The following DOCK10 variants were observed in gnomAD, a reference collection of about 807,000 sequenced individuals.
The protein encoded by DOCK10 is dedicator of cytokinesis 10, also known as dedicator of cytokinesis protein 10.
DOCK10 carries 145 observed loss-of-function variants against 280.1 expected under a neutral mutation model. The observed-to-expected ratio is 0.52, with a 90% confidence interval of 0.45 to 0.59. DOCK10 has a LOEUF of 0.59. DOCK10 is among the 20% of genes least tolerant of loss of function. The pLI is 0.00. For missense variants in DOCK10, 2,368 were observed against 2,651.7 expected (o/e 0.89, Z 2.35); for synonymous variants, 915 against 942.2 (o/e 0.97, Z 0.53).
At chr2:224,836,601 A>T (rs999785923) in intron 25 of DOCK10, among the ~76,000 whole-genome samples, 5 of 143,182 alleles carry the variant, frequency 3.5e-5, no homozygotes, top group African/African-American at 1.3e-4. Context: ...GGAGTGTGGA[A>T]TTTTTTTTTT....
intron 33 of DOCK10, 87 bp from the exon 34 acceptor site, chr2:224,806,324 A>G: frequency 4.8e-6 from 3 of 631,332 alleles, no homozygotes; most frequent in Non-Finnish European, 5.2e-6. Flanking sequence ...TACACTTCCA[A>G]TTAAGTGATA....
In DOCK10 at chr2:224,816,767, A is replaced by AAAAC. The variant is rs1202794935; in HGVS notation, c.3268-58_3268-55dup. ...GACTTACAGACCAAGAAACTGAATA[A>AAAAC]AAACAAACAAACAAAATCTGCACTT... On this transcript the variant is annotated intron_variant, in intron 29 of 55. Coordinates refer to ENST00000258390, the MANE Select transcript of DOCK10 (RefSeq NM_014689.3). The AAAAC allele has an allele frequency of 5.0e-6, 5 of 994,520 alleles. No homozygotes were observed. In the African/African-American group the frequency reaches 6.5e-5, roughly 13 times the overall value. The allele number at this position is 994,520 out of a possible 1,614,324, so 61.6% of individuals were successfully genotyped here. A position where few individuals can be genotyped will look rare whatever the true frequency, so the allele number is the denominator to read the frequency against.
intron 19 of DOCK10, among the ~76,000 whole-genome samples, chr2:224,848,246 T>G (rs1161096918): frequency 3.3e-5 from 5 of 152,184 alleles, no homozygotes; most frequent in Non-Finnish European, 5.9e-5. Context: ...TGTTTTAAGC[T>G]GCTAAATGGT....
At position 224,977,749 on chromosome 2, in the gene DOCK10, T is replaced by G. The variant is rs747477072; in HGVS notation, c.124-46081A>C. Reference sequence around the variant, plus strand: ...TCAGGATTCATGTGTTTCTTTTAAATAAGAATCTACATTAGTTAATTTTGA... The same window carrying G: ...TCAGGATTCATGTGTTTCTTTTAAAGAAGAATCTACATTAGTTAATTTTGA... On this transcript the variant is annotated intron_variant, in intron 1 of 55. Transcript: ENST00000258390. 4.6e-5 allele frequency among the ~76,000 whole-genome samples: 7 copies of G among 152,230 alleles called. No homozygotes were observed. The South Asian group carries it at 1.4e-3, about 31-fold the overall frequency.
intron 3 of DOCK10, among the ~76,000 whole-genome samples, chr2:224,898,252 G>A (rs1700097329): frequency 6.6e-6 from 1 of 152,142 alleles, no homozygotes; most frequent in Non-Finnish European, 1.5e-5. Context: ...GATTTTTCTG[G>A]CCTGGAGTTC....
intron 14 of DOCK10, among the ~76,000 whole-genome samples, chr2:224,858,984 G>A (rs931100189): frequency 1.3e-5 from 2 of 152,174 alleles, no homozygotes; most frequent in Non-Finnish European, 2.9e-5. Flanking sequence ...TTGTGTGTGT[G>A]TGGCTATGGA....
Position 224,786,491 on chromosome 2 carries a change from CTT to C in DOCK10, c.5655+529_5655+530del, listed in dbSNP as rs1015674311. On this transcript the variant is annotated intron_variant, in intron 50 of 55. Coordinates refer to ENST00000258390, the MANE Select transcript of DOCK10 (RefSeq NM_014689.3). The surrounding 1 kb of genome is among the most constrained non-coding windows in gnomAD (Gnocchi z 4.7). Reference sequence around the variant, plus strand: ...TTATGCAGCAAACTGGGAAAAACAACTTTGAAATTACATTGACTTGCAATATA... The same window carrying C: ...TTATGCAGCAAACTGGGAAAAACAACTGAAATTACATTGACTTGCAATATA... 5.3e-5 allele frequency among the ~76,000 whole-genome samples: 8 copies of C among 152,122 alleles called. No homozygotes were observed. The highest frequency in any genetic ancestry group is 1.0e-4 in the Non-Finnish European group (7 of 68,028).
chr2:225,041,602 T>G (rs961840434), intron 1 of DOCK10, among the ~76,000 whole-genome samples: 1 of 152,032 alleles, frequency 6.6e-6, no homozygotes, highest in African/African-American at 2.4e-5. Flanking sequence ...CTTAGAAAAA[T>G]ATCAGAAACC....
At chr2:225,012,679 C>T (rs1689477626) in intron 1 of DOCK10, among the ~76,000 whole-genome samples, 3 of 152,152 alleles carry the variant, frequency 2.0e-5, no homozygotes, top group Admixed American at 2.0e-4. Flanking sequence ...TCATTTGATG[C>T]ACATAACTCA....
At chr2:224,875,120 C>T (rs544840767) in intron 8 of DOCK10, among the ~76,000 whole-genome samples, 33 of 152,270 alleles carry the variant, frequency 2.2e-4, no homozygotes, top group Admixed American at 4.6e-4. Flanking sequence ...TTAGAATCCA[C>T]CTTCTTGCTT....
In DOCK10 at chr2:224,843,178, C is replaced by G. The variant is rs574537488; in HGVS notation, c.2569-1282G>C. ...AGGGAGGGAGAGTGGGAGAGCTTCC[C>G]TTCTCCACTGAGGAGGGGCTGAGTG... On this transcript the variant is annotated intron_variant, in intron 22 of 55. Transcript: ENST00000258390. Among the ~76,000 whole-genome samples the G allele has an allele frequency of 9.2e-5, 14 of 152,294 alleles. 1 individual carries two copies. Among genetic ancestry groups the G allele is most frequent in the Admixed American group, 9.1e-4 (14 of 15,306 alleles).
chr2:225,035,572 A>ATATATATATATAT lies in DOCK10; in HGVS notation c.123+6667_123+6679dup, dbSNP rs1553634952. 1.7e-3 allele frequency among the ~76,000 whole-genome samples: 120 copies of ATATATATATATAT among 69,958 alleles called. 10 individuals carry two copies. The Middle Eastern group carries it at 0.057, about 33-fold the overall frequency. 45.9% of individuals were successfully genotyped at this position (69,958 alleles called of 152,430 possible). ...TATATATATATATATATATATATATATATATATATATATATAACACTGAAT... is the reference window on the plus strand; with the variant it reads ...TATATATATATATATATATATATATATATATATATATATTATATATATATATATAACACTGAAT... On this transcript the variant is annotated intron_variant, in intron 1 of 55. Coordinates refer to ENST00000258390, the MANE Select transcript of DOCK10 (RefSeq NM_014689.3).
At chr2:224,921,964 T>A (rs950845522) in intron 2 of DOCK10, among the ~76,000 whole-genome samples, 34 of 151,156 alleles carry the variant, frequency 2.2e-4, no homozygotes, top group African/African-American at 7.3e-4. Flanking sequence ...TAAAATAAAA[T>A]AAAAATTAGC....
intron 1 of DOCK10, among the ~76,000 whole-genome samples, chr2:224,940,658 C>T (rs963156773): frequency 1.3e-5 from 2 of 152,188 alleles, no homozygotes; most frequent in Non-Finnish European, 2.9e-5. Flanking sequence ...CTCTAATTTT[C>T]CATTAAGCCT....
chr2:224,778,586 TG>T (rs1289532729), intron 50 of DOCK10, among the ~76,000 whole-genome samples: 4 of 152,232 alleles, frequency 2.6e-5, no homozygotes, highest in Non-Finnish European at 5.9e-5. Context: ...GCATATATTT[TG>T]GGGGAAGAAT....
intron 2 of DOCK10, among the ~76,000 whole-genome samples, chr2:224,929,357 T>G (rs906443358): frequency 3.3e-5 from 5 of 152,348 alleles, no homozygotes; most frequent in Middle Eastern, 3.4e-3. Context: ...ATCATGTATT[T>G]GCTGAATGAA....
intron 18 of DOCK10, among the ~76,000 whole-genome samples, chr2:224,850,177 C>CT (rs1212567211): frequency 3.3e-5 from 5 of 152,230 alleles, no homozygotes; most frequent in Admixed American, 2.6e-4. Flanking sequence ...AGCCCTAAAC[C>CT]TTTTTGCAGA....
chr2:224,803,344 A>C (rs1693141897), intron 39 of DOCK10, among the ~76,000 whole-genome samples: 1 of 152,122 alleles, frequency 6.6e-6, no homozygotes, highest in African/African-American at 2.4e-5. Flanking sequence ...GGAGGGAGGC[A>C]CAATTTATTC....
chr2:224,918,611 G>A (rs111214497), intron 2 of DOCK10, among the ~76,000 whole-genome samples: 34,283 of 149,916 alleles, frequency 0.23, 4,252 homozygotes, highest in Non-Finnish European at 0.28. Flanking sequence ...GCGTGTGTAT[G>A]TGGGGTGTGT....
Sources: gnomAD v4.1 joint callset for allele counts (sites outside exome capture counted in the v4.1 genomes callset) on GRCh38, gnomAD v4.1.1 for gene constraint, Gnocchi (gnomAD v3.1) non-coding constraint, MANE v1.5 for transcripts, NCBI Gene and HGNC (gene_info 2026-07-23, HGNC 2026-07-21) for gene names.